The following PROC variants were observed in gnomAD, a reference collection of about 807,000 sequenced individuals.
PROC encodes the protein protein C, inactivator of coagulation factors Va and VIIIa.
A neutral mutation model predicts 36.3 loss-of-function variants in PROC; 22 were observed. That is an observed-to-expected ratio of 0.61 (90% CI 0.43 to 0.86). The LOEUF (loss-of-function observed/expected upper bound fraction) is 0.86. Among genes scored for constraint, PROC ranks in the 40% least tolerant of loss-of-function variants. The pLI, the probability that PROC is intolerant of heterozygous loss-of-function variation, is 0.00. For synonymous variants in PROC, 218 were observed against 244.5 expected (o/e 0.89, Z 1.01); for missense variants, 526 against 629.7 (o/e 0.84, Z 1.76).
At chr2:127,419,453 T>C (rs1687960951) in intron 1 of PROC, among the ~76,000 whole-genome samples, 1 of 152,214 alleles carries the variant, frequency 6.6e-6, no homozygotes, top group South Asian at 2.1e-4. Context: ...ATGAGGAAAC[T>C]GAGGCATGGA....
At chr2:127,421,595 A>G in intron 3 of PROC, 146 bp downstream of exon 3, 12 of 931,598 alleles carry the variant, frequency 1.3e-5, no homozygotes, top group Non-Finnish European at 1.7e-5. Flanking sequence ...TGCTGGCCCT[A>G]TGATGTCGGC....
In PROC at chr2:127,422,610, C is replaced by G. The variant is rs568354403; in HGVS notation, c.238-307C>G. Among the ~76,000 whole-genome samples the G allele has an allele frequency of 8.7e-4, 132 of 152,350 alleles. 1 individual carries two copies. The highest frequency in any genetic ancestry group is 3.1e-3 in the African/African-American group (128 of 41,588). ...AGGCCGAGTGACTTGGTGAGGGATT[C>G]GGGTCCCTTGCATGCCAGAGGCTGC... On this transcript the variant is annotated intron_variant, in intron 3 of 8. Transcript: ENST00000234071.
At chr2:127,419,833 G>C in intron 1 of PROC, 89 bp from the exon 2 acceptor site, 2 of 1,603,040 alleles carry the variant, frequency 1.2e-6, no homozygotes, top group Non-Finnish European at 1.7e-6. Flanking sequence ...AGCACACAGG[G>C]ACAGCCCTTT....
intron 6 of PROC, 39 bp downstream of exon 6, chr2:127,423,447 G>A (rs945462152): frequency 6.5e-7 from 1 of 1,542,592 alleles, no homozygotes; most frequent in Non-Finnish European, 8.7e-7. Flanking sequence ...AATCACGCTG[G>A]GTGCAGGGTG....
rs142742242 is a variant in PROC, at chr2:127,428,761, G to A, written c.1201G>A (p.Asp401Asn). The A allele has an allele frequency of 1.7e-5, 28 of 1,613,040 alleles. No homozygotes were observed. Among genetic ancestry groups the A allele is most frequent in the Admixed American group, 8.3e-5 (5 of 60,010 alleles). Reference sequence around the variant, plus strand: ...GGACCGGCAGGATGCCTGCGAGGGCGACAGTGGGGGGCCCATGGTCGCCTC... The same window carrying A: ...GGACCGGCAGGATGCCTGCGAGGGCAACAGTGGGGGGCCCATGGTCGCCTC... Reference protein sequence around the residue: ...LGDRQDACEGDSGGPMVASFH... With the variant: ...LGDRQDACEGNSGGPMVASFH... The change falls in exon 9 of 9, where the codon GAC becomes AAC. Residue 401 changes from aspartate to asparagine, a missense_variant. Asp to Asn is a conservative substitution (Grantham distance 23, BLOSUM62 1). Transcript: ENST00000234071.
chr2:127,419,911 G>A lies in PROC; in HGVS notation c.-21-11G>A, dbSNP rs775227102. 1 of 1,613,900 alleles carries A rather than the reference G, an allele frequency of 6.2e-7. No homozygotes were observed. Among genetic ancestry groups the A allele is most frequent in the Non-Finnish European group, 8.5e-7 (1 of 1,179,974 alleles). The stretch of plus-strand genomic sequence containing the variant: ...GGTAGGCACTGCCCGGAGCTCAGAA[G>A]TCCTCCTCAGACAGGTGCCAGTGCC... On this transcript the variant is annotated splice_polypyrimidine_tract_variant and intron_variant, in intron 1 of 8. Coordinates refer to ENST00000234071, the MANE Select transcript of PROC (RefSeq NM_000312.4).
intron 8 of PROC, 21 bp from the exon 9 acceptor site, chr2:127,428,332 TCTGA>T (rs763825989): frequency 3.0e-5 from 49 of 1,610,920 alleles, no homozygotes; most frequent in Non-Finnish European, 3.5e-5. Context: ...CGCAGCCCAC[TCTGA>T]CTGTGCCCTC....
chr2:127,422,798 C>A, intron 3 of PROC, 119 bp from the exon 4 acceptor site: 1 of 1,379,814 alleles, frequency 7.2e-7, no homozygotes, highest in Non-Finnish European at 9.9e-7. Flanking sequence ...GGGCGTCGAT[C>A]CCTGTTTGTC....
chr2:127,427,546 C>T (rs1397032101), intron 8 of PROC, among the ~76,000 whole-genome samples: 1 of 152,100 alleles, frequency 6.6e-6, no homozygotes, highest in Non-Finnish European at 1.5e-5. Context: ...GCCTCAGCAC[C>T]CTTGGGTGCA....
rs536598505 is a variant in PROC, at chr2:127,418,900, G to C, written c.-22+408G>C. On this transcript the variant is annotated intron_variant, in intron 1 of 8. Coordinates refer to ENST00000234071, the MANE Select transcript of PROC (RefSeq NM_000312.4). The surrounding 1 kb of genome is among the most constrained non-coding windows in gnomAD (Gnocchi z 4.8). ...CCACGTGGCCTATCCACTGGGGAGG[G>C]TTCCTTGATCTCTGGCCACCAGGGC... 1.3e-5 allele frequency among the ~76,000 whole-genome samples: 2 copies of C among 152,334 alleles called. No homozygotes were observed. The highest frequency in any genetic ancestry group is 4.1e-4 in the South Asian group (2 of 4,832).
intron 3 of PROC, 30 bp from the exon 4 acceptor site, chr2:127,422,887 G>A (rs1688195500): frequency 6.4e-7 from 1 of 1,551,162 alleles, no homozygotes; most frequent in South Asian, 1.2e-5. Flanking sequence ...ACCGGCTGCA[G>A]GAGCCTGACG....
intron 6 of PROC, among the ~76,000 whole-genome samples, chr2:127,424,916 G>A (rs924369644): frequency 2.0e-5 from 3 of 152,090 alleles, no homozygotes; most frequent in Non-Finnish European, 4.4e-5. Context: ...CATGGTGTTC[G>A]GCCCCTCAGA....
chr2:127,420,729 T>C (rs1299651756), intron 2 of PROC, among the ~76,000 whole-genome samples: 1 of 151,776 alleles, frequency 6.6e-6, no homozygotes, highest in Non-Finnish European at 1.5e-5. Flanking sequence ...CCTTCCTGGG[T>C]GATAGGTCTG....
intron 3 of PROC, among the ~76,000 whole-genome samples, chr2:127,422,622 A>G (rs979429449): frequency 1.4e-4 from 21 of 152,178 alleles, no homozygotes; most frequent in African/African-American, 4.6e-4. Context: ...GGTCCCTTGC[A>G]TGCCAGAGGC....
chr2:127,422,984 G>A, intron 4 of PROC, 43 bp downstream of exon 4: 1 of 1,612,308 alleles, frequency 6.2e-7, no homozygotes, highest in Non-Finnish European at 8.5e-7. Flanking sequence ...CGGCGCCCGC[G>A]CCCCTCGGGA....
rs1688503515 is a variant in PROC, at chr2:127,426,421, G to A, written c.678+194G>A. On this transcript the variant is annotated intron_variant, in intron 7 of 8. Transcript: ENST00000234071. The surrounding 1 kb of genome is among the most constrained non-coding windows in gnomAD (Gnocchi z 7.0). ...GAGAGGAGCAGCCAGGGTGGGTGAG[G>A]GGAGGGGCATGGGGGCATGGAGGGG... 1 of 743,546 alleles carries A rather than the reference G, an allele frequency of 1.3e-6. No homozygotes were observed. The highest frequency in any genetic ancestry group is 1.7e-5 in the South Asian group (1 of 58,316). The allele number at this position is 743,546 out of a possible 1,614,324, so 46.1% of individuals were successfully genotyped here. A position where few individuals can be genotyped will look rare whatever the true frequency, so the allele number is the denominator to read the frequency against.
At chr2:127,423,564 C>T in intron 6 of PROC, 156 bp downstream of exon 6, 3 of 979,590 alleles carry the variant, frequency 3.1e-6, no homozygotes, top group Non-Finnish European at 4.3e-6. Context: ...GCCCCAACAC[C>T]GGGGCCACTG....
chr2:127,423,401 C>T lies in PROC; in HGVS notation c.528C>T (p.His176=), dbSNP rs1483588887. 3.2e-6 allele frequency: 5 copies of T among 1,549,814 alleles called. No homozygotes were observed. Among genetic ancestry groups the T allele is most frequent in the Non-Finnish European group, 4.4e-6 (5 of 1,147,002 alleles). The change falls in exon 6 of 9, where the codon CAC becomes CAT. Residue 176 remains histidine (H), a synonymous_variant. Transcript: ENST00000234071. ...TGGGGGACGACCTCCTGCAGTGTCA[C>T]CCCGCAGGTGAGAAGCCCCCAATAC... ...YKLGDDLLQC[H]PAVKFPCGRP...
rs121918155 is a variant in PROC at position 127,426,227 on chromosome 2, G to A, written c.678G>A (p.Gln226=). 1 of 1,614,030 alleles carries A rather than the reference G, an allele frequency of 6.2e-7. No individual in the cohort carries two copies. The highest frequency in any genetic ancestry group is 8.5e-7 in the Non-Finnish European group (1 of 1,180,032). ...KMTRRGDSPW[Q]VVLLDSKKKL... The stretch of plus-strand genomic sequence containing the variant: ...CCAGGCGGGGAGACAGCCCCTGGCA[G>A]GTGGGAGGCGAGGCAGCACCGGCTG... Residue 226 remains glutamine (Q), a splice_region_variant and synonymous_variant, in exon 7 of 9, where the codon CAG becomes CAA. Coordinates refer to ENST00000234071, the MANE Select transcript of PROC (RefSeq NM_000312.4). This position sits in a 1 kb window ranked among gnomAD's most constrained non-coding sequence, Gnocchi z 7.0.
Sources: gnomAD v4.1 joint callset for allele counts (sites outside exome capture counted in the v4.1 genomes callset) on GRCh38, gnomAD v4.1.1 for gene constraint, Gnocchi (gnomAD v3.1) non-coding constraint, MANE v1.5 for transcripts, NCBI Gene and HGNC (gene_info 2026-07-23, HGNC 2026-07-21) for gene names.